The following CNTN5 variants were observed in gnomAD, a reference collection of about 807,000 sequenced individuals.
The protein encoded by CNTN5 is contactin-5.
A neutral mutation model predicts 129.1 loss-of-function variants in CNTN5; 77 were observed. The ratio of observed to expected loss-of-function variants is 0.60; its 90% CI spans 0.50 to 0.72. The LOEUF is 0.72. Among genes scored for constraint, CNTN5 ranks in the 30% least tolerant of loss-of-function variants. The pLI is 0.00. For synonymous variants in CNTN5, 509 were observed against 465.6 expected, an observed-to-expected ratio of 1.09 and a Z score of -1.20; for missense variants, 1,478 against 1,328.8, an observed-to-expected ratio of 1.11 and a Z score of -1.75.
intron 8 of CNTN5, among the ~76,000 whole-genome samples, chr11:99,991,037 A>G (rs1446469374): frequency 1.3e-5 from 2 of 152,332 alleles, no homozygotes; most frequent in Non-Finnish European, 2.9e-5. Context: ...GTACAATGAC[A>G]TATCTCACAC....
At chr11:99,909,867 C>T (rs918027477) in intron 6 of CNTN5, among the ~76,000 whole-genome samples, 9 of 151,914 alleles carry the variant, frequency 5.9e-5, no homozygotes, top group East Asian at 5.8e-4. Flanking sequence ...TATTAAATGA[C>T]GAGTTACTGG....
intron 3 of CNTN5, among the ~76,000 whole-genome samples, chr11:99,619,186 CAAAA>C (rs910817718): frequency 3.0e-5 from 4 of 134,388 alleles, no homozygotes; most frequent in African/African-American, 5.3e-5. Context: ...TTTGTTAAAA[CAAAA>C]AAATCAAAAA....
Position 99,360,207 on chromosome 11 carries a change from C to T in CNTN5, c.-71+34723C>T, listed in dbSNP as rs183415671. ...CTGAAGGTTCCAGCCAGCCTTGCCA[C>T]TTTGGCTTTGCTGGAGGCAGTTCAT... On this transcript the variant is annotated intron_variant, in intron 2 of 24. Transcript: ENST00000524871. Among the ~76,000 whole-genome samples the T allele has an allele frequency of 9.2e-3, 1,407 of 152,300 alleles. 19 individuals are homozygous for T. The highest frequency in any genetic ancestry group is 0.025 in the South Asian group (122 of 4,824).
At chr11:100,019,378 C>G (rs538546634) in intron 9 of CNTN5, among the ~76,000 whole-genome samples, 2 of 152,002 alleles carry the variant, frequency 1.3e-5, no homozygotes, top group African/African-American at 2.4e-5. Context: ...TGGTCATCAC[C>G]ATTCTACTCT....
chr11:100,152,626 G>GAAAACTGCATGTTTAGTGCCTCCTTCTAA (rs1555023236), intron 13 of CNTN5, among the ~76,000 whole-genome samples: 9 of 152,068 alleles, frequency 5.9e-5, no homozygotes, highest in Non-Finnish European at 8.8e-5. Flanking sequence ...TTCCCCAAAC[G>GAAAACTGCATGTTTAGTGCCTCCTTCTAA]AAAACTGCAT....
intron 8 of CNTN5, among the ~76,000 whole-genome samples, chr11:99,966,685 C>T (rs918228305): frequency 6.6e-6 from 1 of 152,200 alleles, no homozygotes; most frequent in Non-Finnish European, 1.5e-5. Flanking sequence ...AACTAGCACA[C>T]AAGAAGTATC....
intron 15 of CNTN5, among the ~76,000 whole-genome samples, chr11:100,222,464 G>A (rs778401259): frequency 6.6e-6 from 1 of 151,958 alleles, no homozygotes; most frequent in Non-Finnish European, 1.5e-5. Flanking sequence ...GAGGAATTTT[G>A]TCCAGGAGAT....
intron 3 of CNTN5, among the ~76,000 whole-genome samples, chr11:99,571,998 A>C (rs1949189856): frequency 6.6e-6 from 1 of 152,334 alleles, no homozygotes; most frequent in African/African-American, 2.4e-5. Flanking sequence ...GAGATACGAA[A>C]GCCTCTCAGT....
At chr11:99,806,187 A>G (rs569466740) in intron 3 of CNTN5, among the ~76,000 whole-genome samples, 3 of 152,148 alleles carry the variant, frequency 2.0e-5, no homozygotes, top group Admixed American at 1.3e-4. Context: ...TCTCCCTCCA[A>G]TGACAAACTA....
At chr11:100,273,801 A>G (rs907347277) in intron 18 of CNTN5, among the ~76,000 whole-genome samples, 8 of 152,218 alleles carry the variant, frequency 5.3e-5, no homozygotes, top group African/African-American at 1.9e-4. Flanking sequence ...ATACTGCCCA[A>G]AGCAATTTAT....
At chr11:99,901,401 C>T (rs1001687896) in intron 6 of CNTN5, among the ~76,000 whole-genome samples, 8 of 151,984 alleles carry the variant, frequency 5.3e-5, no homozygotes, top group African/African-American at 1.9e-4. Context: ...AATGGTTCTC[C>T]CACCTCAGTC....
intron 9 of CNTN5, among the ~76,000 whole-genome samples, chr11:100,059,480 G>T (rs887119297): frequency 6.6e-6 from 1 of 151,862 alleles, no homozygotes; most frequent in Non-Finnish European, 1.5e-5. Flanking sequence ...AAAACACAAA[G>T]AACTCTAAGA....
intron 1 of CNTN5, among the ~76,000 whole-genome samples, chr11:99,031,520 G>GA (rs747272779): frequency 4.0e-5 from 6 of 151,484 alleles, no homozygotes; most frequent in Non-Finnish European, 7.4e-5. Flanking sequence ...GGATAGAGAG[G>GA]AAAAAAAGGT....
chr11:99,958,097 T>G (rs1279188338), intron 8 of CNTN5, among the ~76,000 whole-genome samples: 4 of 152,044 alleles, frequency 2.6e-5, no homozygotes, highest in Non-Finnish European at 5.9e-5. Context: ...AAAGAAATGA[T>G]GAAAATTGCT....
intron 2 of CNTN5, among the ~76,000 whole-genome samples, chr11:99,537,281 T>A (rs2135485340): frequency 6.6e-6 from 1 of 152,276 alleles, no homozygotes; most frequent in South Asian, 2.1e-4. Context: ...TTTTGAAAAT[T>A]ACAGAATACA....
At chr11:99,995,760 A>G (rs191518433) in intron 8 of CNTN5, among the ~76,000 whole-genome samples, 1 of 152,264 alleles carries the variant, frequency 6.6e-6, no homozygotes, top group East Asian at 1.9e-4. Context: ...TATTTTACAC[A>G]TAGGGGGCTT....
Position 100,243,717 on chromosome 11 carries a change from TTG to T in CNTN5, c.2006-12039_2006-12038del, listed in dbSNP as rs1266786675. On this transcript the variant is annotated intron_variant, in intron 16 of 24. Coordinates refer to ENST00000524871, the MANE Select transcript of CNTN5 (RefSeq NM_014361.4). The stretch of plus-strand genomic sequence containing the variant: ...CAGCACTGACTCAGCACCAATAAAA[TTG>T]TGTTTTTCACTTCATATAGATTTTG... Among the ~76,000 whole-genome samples the T allele has an allele frequency of 5.3e-5, 8 of 152,258 alleles. No individual in the cohort carries two copies. The South Asian group carries it at 1.0e-3, about 20-fold the overall frequency.
intron 2 of CNTN5, among the ~76,000 whole-genome samples, chr11:99,412,253 G>A (rs945373686): frequency 9.9e-5 from 15 of 152,048 alleles, no homozygotes; most frequent in African/African-American, 3.6e-4. Context: ...ACATTGGTGA[G>A]GGACAGGGAA....
chr11:99,727,595 C>T, intron 3 of CNTN5, among the ~76,000 whole-genome samples: 1 of 94,860 alleles, frequency 1.1e-5, no homozygotes, highest in Non-Finnish European at 2.1e-5. Context: ...TTACTATTGT[C>T]CTTTAATGAA....
Sources: gnomAD v4.1 joint callset for allele counts (sites outside exome capture counted in the v4.1 genomes callset) on GRCh38, gnomAD v4.1.1 for gene constraint, MANE v1.5 for transcripts, NCBI Gene and HGNC (gene_info 2026-07-23, HGNC 2026-07-21) for gene names.